The following TMEM41B variants were observed in gnomAD, a reference collection of about 807,000 sequenced individuals.
The protein encoded by TMEM41B is transmembrane protein 41B, also known as protein stasimon.
In TMEM41B, 18 loss-of-function variants were observed where a neutral mutation model predicts 31.9. The observed-to-expected ratio is 0.56, with a 90% CI of 0.39 to 0.84. The LOEUF (loss-of-function observed/expected upper bound fraction) is 0.84. Ranked by LOEUF, TMEM41B falls within the 40% of genes least tolerant of loss-of-function variation. The pLI, the probability that TMEM41B is intolerant of heterozygous loss-of-function variation, is 0.00. For missense variants in TMEM41B, 322 were observed against 348.0 expected, an observed-to-expected ratio of 0.93 and a Z score of 0.59; for synonymous variants, 144 against 124.3, an observed-to-expected ratio of 1.16 and a Z score of -1.05.
intron 1 of TMEM41B, among the ~76,000 whole-genome samples, chr11:9,309,412 G>A (rs1395742486): frequency 6.6e-6 from 1 of 151,552 alleles, no homozygotes; most frequent in Non-Finnish European, 1.5e-5. Flanking sequence ...AAAAAATTCT[G>A]ATACATAATA....
At chr11:9,283,700 T>C in intron 6 of TMEM41B, 107 bp from the exon 7 acceptor site, 22 of 957,264 alleles carry the variant, frequency 2.3e-5, no homozygotes, top group Non-Finnish European at 3.3e-5. Flanking sequence ...GCTATTTCCA[T>C]TTTGGAAAAA....
At chr11:9,300,394 G>C (rs112483159) in intron 1 of TMEM41B, among the ~76,000 whole-genome samples, 2,827 of 152,172 alleles carry the variant, frequency 0.019, 85 homozygotes, top group African/African-American at 0.064. Flanking sequence ...AGGTAATTTG[G>C]CAATTACTTC....
At chr11:9,289,562 CAA>C (rs1265956075) in intron 3 of TMEM41B, among the ~76,000 whole-genome samples, 1 of 152,112 alleles carries the variant, frequency 6.6e-6, no homozygotes, top group African/African-American at 2.4e-5. Context: ...GCCTCCTCTA[CAA>C]AACTACTCAG....
At chr11:9,295,448 G>C (rs1189348376) in intron 2 of TMEM41B, 61 bp from the exon 3 acceptor site, 1 of 924,366 alleles carries the variant, frequency 1.1e-6, no homozygotes, top group Non-Finnish European at 1.7e-6. Context: ...TCAAAGTCAA[G>C]TTCACAACAT....
chr11:9,290,038 A>AACACACACACAC (rs138140225), intron 3 of TMEM41B, among the ~76,000 whole-genome samples: 2 of 149,798 alleles, frequency 1.3e-5, no homozygotes, highest in Non-Finnish European at 3.0e-5. Flanking sequence ...TCAAAAACAA[A>AACACACACACAC]ACACACACAC....
At position 9,295,307 on chromosome 11, in the gene TMEM41B, T is replaced by C. The variant is rs1853057586; in HGVS notation, c.320A>G (p.Asp107Gly). 1 of 1,592,856 alleles carries C rather than the reference T, an allele frequency of 6.3e-7. No homozygotes were observed. Among genetic ancestry groups the C allele is most frequent in the South Asian group, 1.1e-5 (1 of 89,094 alleles). ...TACAAGTACTTGAACATAAAAGGTG[T>C]CCTTGTATTTGGATAAAACTTTTCC... is the stretch of plus-strand genomic sequence containing the variant. Reference protein sequence around the residue: ...ALGKVLSKYKDTFYVQVLVAY... With the variant: ...ALGKVLSKYKGTFYVQVLVAY... The change falls in exon 3 of 7, where the codon GAC (aspartate) becomes GGC (glycine). Residue 107 changes from aspartate (D) to glycine (G), a missense_variant. Transcript: ENST00000528080.
intron 3 of TMEM41B, among the ~76,000 whole-genome samples, chr11:9,288,825 C>T (rs1852893929): frequency 6.6e-6 from 1 of 152,116 alleles, no homozygotes; most frequent in African/African-American, 2.4e-5. Context: ...TCTTTTAGTG[C>T]TTCTCTAATA....
chr11:9,304,231 C>T lies in TMEM41B; in HGVS notation c.122-4530G>A, dbSNP rs1469514049. The stretch of plus-strand genomic sequence containing the variant: ...CTTTAAACATCTCAGGTAGGTCAAA[C>T]ATGAAAAGGTCTCTGCAGAATCTTG... On this transcript the variant is annotated intron_variant, in intron 1 of 6. Transcript: ENST00000528080. Among the ~76,000 whole-genome samples the T allele has an allele frequency of 2.6e-5, 4 of 152,142 alleles. No individual in the cohort carries two copies. In the South Asian group the frequency reaches 6.2e-4, roughly 24 times the overall value.
chr11:9,314,347 G>T lies in TMEM41B; in HGVS notation c.95C>A (p.Ala32Glu). 1 of 1,595,044 alleles carries T rather than the reference G, an allele frequency of 6.3e-7. No individual in the cohort carries two copies. The change falls in exon 1 of 7, where the codon GCG (alanine) becomes GAG (glutamate). Residue 32 changes from alanine (A) to glutamate (E), a missense_variant. Physicochemically the swap from Ala to Glu is moderately radical, Grantham distance 107. Around this residue, in one of 3 missense-constraint regions of TMEM41B, gnomAD observed 183 missense variants for 175.3 expected, o/e 1.04. Transcript: ENST00000528080. ...DGAAGTRGLA[A>E]PGSRDHQKEK... Reference sequence around the variant, plus strand: ...CTTCTGGTGGTCTCTGCTGCCAGGCGCCGCGAGACCCCGCGTCCCCGCTGC... The same window carrying T: ...CTTCTGGTGGTCTCTGCTGCCAGGCTCCGCGAGACCCCGCGTCCCCGCTGC...
chr11:9,309,723 C>A (rs1001659861), intron 1 of TMEM41B, among the ~76,000 whole-genome samples: 1 of 151,210 alleles, frequency 6.6e-6, no homozygotes, highest in Non-Finnish European at 1.5e-5. Flanking sequence ...GAGATCGAGA[C>A]CATCCTGGCT....
chr11:9,285,539 G>T (rs1852817803), intron 6 of TMEM41B, among the ~76,000 whole-genome samples: 1 of 152,116 alleles, frequency 6.6e-6, no homozygotes, highest in Non-Finnish European at 1.5e-5. Flanking sequence ...GAACTGGAAA[G>T]AAGAGCAAAA....
At position 9,288,522 on chromosome 11, in the gene TMEM41B, C is replaced by G; in HGVS notation, c.382G>C (p.Ala128Pro). Residue 128 changes from alanine (A) to proline (P), a missense_variant, in exon 4 of 7, where the codon GCT (alanine) becomes CCT (proline). Coordinates refer to ENST00000528080, the MANE Select transcript of TMEM41B (RefSeq NM_015012.4). ...FATYIFLQTF[A>P]IPGSIFLSIL... ...CTGAGAAATATAGAGCCTGGAATAG[C>G]AAATGTTTGCAAGCTGGTAACTTTT... 5 of 1,574,500 alleles carry G rather than the reference C, an allele frequency of 3.2e-6. No individual in the cohort carries two copies. The highest frequency in any genetic ancestry group is 4.3e-6 in the Non-Finnish European group (5 of 1,163,590).
At chr11:9,283,976 G>A (rs1169804083) in intron 6 of TMEM41B, among the ~76,000 whole-genome samples, 1 of 151,758 alleles carries the variant, frequency 6.6e-6, no homozygotes, top group Non-Finnish European at 1.5e-5. Context: ...TAGAGATGGG[G>A]TTTCTCCATG....
At chr11:9,288,418 C>T (rs754612909) in intron 4 of TMEM41B, 24 bp downstream of exon 4, 4 of 1,493,834 alleles carry the variant, frequency 2.7e-6, no homozygotes, top group East Asian at 2.3e-5. Context: ...TTTCAGTCTC[C>T]CAATTTTATT....
intron 1 of TMEM41B, among the ~76,000 whole-genome samples, chr11:9,306,405 G>A (rs1290575976): frequency 6.6e-6 from 1 of 152,046 alleles, no homozygotes; most frequent in East Asian, 1.9e-4. Context: ...AGAATTCGCC[G>A]GGCATGGCGG....
chr11:9,314,585 G>C lies in TMEM41B; in HGVS notation c.-144C>G. ...TCACCCGAGACGACCTCAGCCCAGC[G>C]AGTACTGCAACCTCCTGCAAACACC... is the stretch of plus-strand genomic sequence containing the variant. On this transcript the variant is annotated 5_prime_UTR_variant, in exon 1 of 7. Transcript: ENST00000528080. 2 of 1,190,898 alleles carry C rather than the reference G, an allele frequency of 1.7e-6. No individual in the cohort carries two copies. The highest frequency in any genetic ancestry group is 1.6e-5 in the African/African-American group (1 of 64,182). The allele number at this position is 1,190,898 out of a possible 1,614,324, so 73.8% of individuals were successfully genotyped here.
Position 9,285,023 on chromosome 11 carries a change from A to C in TMEM41B, c.707-1430T>G, listed in dbSNP as rs368283121. ...TGGATATGACATTTAACAAAATTAA[A>C]AATTCCCCATGCTGATGTAAGTTTG... On this transcript the variant is annotated intron_variant, in intron 6 of 6. Coordinates refer to ENST00000528080, the MANE Select transcript of TMEM41B (RefSeq NM_015012.4). Among the ~76,000 whole-genome samples, 60 of 152,186 alleles carry C rather than the reference A, an allele frequency of 3.9e-4. 1 individual carries two copies. In the South Asian group the frequency reaches 0.012, roughly 30 times the overall value.
At chr11:9,300,474 T>C (rs1309680113) in intron 1 of TMEM41B, among the ~76,000 whole-genome samples, 1 of 152,218 alleles carries the variant, frequency 6.6e-6, no homozygotes, top group Non-Finnish European at 1.5e-5. Context: ...TTATACCAAA[T>C]GCATCGGAAT....
chr11:9,303,104 CCTCCCAGGTTCAAGCAATT>C (rs1215115533), intron 1 of TMEM41B, among the ~76,000 whole-genome samples: 3 of 146,144 alleles, frequency 2.1e-5, no homozygotes, highest in Non-Finnish European at 4.5e-5. Flanking sequence ...GCAACCTCCA[CCTCCCAGGTTCAAGCAATT>C]CTCCTGCCTC....
Sources: allele counts gnomAD v4.1 joint callset (sites outside exome capture counted in the v4.1 genomes callset), GRCh38; gene constraint gnomAD v4.1.1; regional missense constraint gnomAD v4.1.1; transcripts MANE v1.5; gene names NCBI Gene and HGNC (gene_info 2026-07-23, HGNC 2026-07-21).